RP1: variants seen among roughly 807,000 people sequenced by gnomAD.
RP1 encodes the protein RP1 axonemal microtubule associated.
RP1 carries 16 observed loss-of-function variants against 14.8 expected under a neutral mutation model. The ratio of observed to expected loss-of-function variants is 1.08; its 90% CI spans 0.73 to 1.65. RP1 has a LOEUF of 1.65. Ranked by LOEUF, RP1 falls within the 40% of genes most tolerant of loss-of-function variation. The probability of loss-of-function intolerance (pLI) is 0.00; values close to 1 mark genes in which losing one functional copy is unlikely to be tolerated. For missense variants in RP1, 2,631 were observed against 2,535.0 expected, an observed-to-expected ratio of 1.04 and a Z score of -0.81; for synonymous variants, 876 against 883.6, an observed-to-expected ratio of 0.99 and a Z score of 0.15.
At position 54,562,980 on chromosome 8, in the gene RP1, ACTGAGGCCC is replaced by A. The variant is rs564280375; in HGVS notation, c.-13+3664_-13+3672del. Among the ~76,000 whole-genome samples, 74 of 152,306 alleles carry A rather than the reference ACTGAGGCCC, an allele frequency of 4.9e-4. 1 individual carries two copies. Among genetic ancestry groups the A allele is most frequent in the African/African-American group, 1.7e-3 (71 of 41,570 alleles). On this transcript the variant is annotated intron_variant, in intron 1 of 22. Transcript: ENST00000636932. The stretch of plus-strand genomic sequence containing the variant: ...GGCAGGCCATATGGAGTCACCCTTT[ACTGAGGCCC>A]CTGGTAGGCCCAGTCCTACAGCAGT...
chr8:54,782,830 G>A (rs544106667), intron 23 of RP1, among the ~76,000 whole-genome samples: 93 of 152,226 alleles, frequency 6.1e-4, no homozygotes, highest in African/African-American at 2.2e-3. Flanking sequence ...TGCTCTGCTT[G>A]TCTCAGCCTT....
chr8:54,613,120 T>A (rs1246833913), upstream of RP1, among the ~76,000 whole-genome samples: 3 of 152,156 alleles, frequency 2.0e-5, no homozygotes, highest in Non-Finnish European at 4.4e-5. Flanking sequence ...GTTGAACAAA[T>A]AAACAAATGA....
At chr8:54,719,965 T>C (rs571536065) in intron 15 of RP1, among the ~76,000 whole-genome samples, 3 of 152,314 alleles carry the variant, frequency 2.0e-5, no homozygotes, top group Admixed American at 2.0e-4. Flanking sequence ...TTCTGGATCT[T>C]GTGAAATAGG....
intron 24 of RP1, among the ~76,000 whole-genome samples, chr8:54,801,063 G>C (rs1179366919): frequency 1.3e-5 from 2 of 152,198 alleles, no homozygotes; most frequent in Non-Finnish European, 2.9e-5. Context: ...CTTGGGCTGA[G>C]TTTAAAGTCT....
At chr8:54,634,139 T>A (rs565090130), downstream of RP1, among the ~76,000 whole-genome samples, 1 of 152,280 alleles carries the variant, frequency 6.6e-6, no homozygotes, top group Non-Finnish European at 1.5e-5. Context: ...TACTTACCAT[T>A]TTTCCTACTA....
At chr8:54,561,624 T>TA (rs1352429412) in intron 1 of RP1, 2 of 152,138 alleles carry the variant, frequency 1.3e-5, no homozygotes, top group Non-Finnish European at 2.9e-5. Flanking sequence ...GGTCAGCTTG[T>TA]AAAAAAGTGA....
intron 24 of RP1, among the ~76,000 whole-genome samples, chr8:54,799,226 T>C (rs1356930436): frequency 6.6e-6 from 1 of 152,076 alleles, no homozygotes; most frequent in East Asian, 1.9e-4. Context: ...ATAAATTTGG[T>C]AATAATTTTC....
Position 54,720,187 on chromosome 8 carries a change from T to TAA in RP1, c.2271_2272dup (p.Ser758LysfsTer24), listed in dbSNP as rs1457883326. On this transcript the variant is annotated frameshift_variant, in exon 16 of 23. Transcript: ENST00000636932. LOFTEE classifies it high-confidence loss of function. ...AAGAAGAACTTGAAGAATGCATCCATAAGCCTGGAATCTACGAAGAGCCCA... is the reference window on the plus strand; with the variant it reads ...AAGAAGAACTTGAAGAATGCATCCATAAAAGCCTGGAATCTACGAAGAGCCCA... 5.2e-6 allele frequency: 8 copies of TAA among 1,535,654 alleles called. No homozygotes were observed. Among genetic ancestry groups the TAA allele is most frequent in the Admixed American group, 2.0e-5 (1 of 50,948 alleles).
At chr8:54,800,449 C>T (rs192659147) in intron 24 of RP1, among the ~76,000 whole-genome samples, 1 of 152,150 alleles carries the variant, frequency 6.6e-6, no homozygotes, top group Non-Finnish European at 1.5e-5. Flanking sequence ...AAATATTTCT[C>T]ATGCCCTGTT....
chr8:54,754,785 T>A (rs1809458891), intron 19 of RP1: 1 of 1,484,472 alleles, frequency 6.7e-7, no homozygotes, highest in Admixed American at 2.4e-5. Context: ...ATTTGGTCAT[T>A]TTTTCTTCTA....
intron 12 of RP1, among the ~76,000 whole-genome samples, chr8:54,691,001 T>TTAA (rs1379611029): frequency 6.6e-6 from 1 of 152,110 alleles, no homozygotes; most frequent in Non-Finnish European, 1.5e-5. Context: ...ACTCTTTGCC[T>TTAA]ATTACAAAAG....
At chr8:54,727,503 A>G (rs959252358) in intron 17 of RP1, among the ~76,000 whole-genome samples, 1 of 152,128 alleles carries the variant, frequency 6.6e-6, no homozygotes, top group Non-Finnish European at 1.5e-5. Context: ...CAAAATGCTT[A>G]TGAGAAAACC....
chr8:54,812,805 C>CTATCTATT (rs1554535917), intron 24 of RP1, among the ~76,000 whole-genome samples: 1 of 139,624 alleles, frequency 7.2e-6, no homozygotes, highest in African/African-American at 2.8e-5. Flanking sequence ...ATCTATCTAT[C>CTATCTATT]TATCTCTCCG....
At chr8:54,614,407 CAGGGCCAGA>C (rs895481285), upstream of RP1, among the ~76,000 whole-genome samples, 21 of 152,106 alleles carry the variant, frequency 1.4e-4, no homozygotes, top group African/African-American at 5.1e-4. Context: ...AAAGGCGGGC[CAGGGCCAGA>C]AGCATCAGCA....
chr8:54,734,112 C>T (rs1468462097), intron 17 of RP1, among the ~76,000 whole-genome samples: 3 of 152,002 alleles, frequency 2.0e-5, no homozygotes, highest in African/African-American at 7.3e-5. Flanking sequence ...TTTCTTTGCC[C>T]TCAATTTGCC....
chr8:54,759,190 G>T (rs372900514), intron 22 of RP1: 47 of 1,105,292 alleles, frequency 4.3e-5, no homozygotes, highest in African/African-American at 4.7e-5. Flanking sequence ...TTTAGGTCAC[G>T]GATTTGTTTC....
At chr8:54,601,125 G>A (rs2129304668) in intron 1 of RP1, among the ~76,000 whole-genome samples, 1 of 152,254 alleles carries the variant, frequency 6.6e-6, no homozygotes, top group Middle Eastern at 3.4e-3. Flanking sequence ...TAGGAGTATT[G>A]ACTTACATGA....
intron 15 of RP1, among the ~76,000 whole-genome samples, chr8:54,715,281 G>A (rs1431750112): frequency 6.6e-6 from 1 of 152,180 alleles, no homozygotes; most frequent in African/African-American, 2.4e-5. Flanking sequence ...CTGCAGATGT[G>A]TAGGAAGGCG....
intron 1 of RP1, among the ~76,000 whole-genome samples, chr8:54,566,077 C>A (rs1804398501): frequency 2.1e-5 from 3 of 142,538 alleles, no homozygotes; most frequent in Admixed American, 7.2e-5. Flanking sequence ...GGATTCGGGG[C>A]CCAACCCCAC....
Sources: gnomAD v4.1 joint callset for allele counts (sites outside exome capture counted in the v4.1 genomes callset) on GRCh38, gnomAD v4.1.1 for gene constraint, MANE v1.5 for transcripts, NCBI Gene and HGNC (gene_info 2026-07-23, HGNC 2026-07-21) for gene names.